NCAM2: variants seen among roughly 807,000 people sequenced by gnomAD.
The protein encoded by NCAM2 is N-CAM-2.
Under a neutral mutation model 98.1 loss-of-function variants are expected in NCAM2, and 30 were observed. The observed-to-expected ratio is 0.31, with a 90% confidence interval of 0.23 to 0.41. The LOEUF is 0.41. NCAM2 is among the 10% of genes least tolerant of loss of function. The pLI, the probability that NCAM2 is intolerant of heterozygous loss-of-function variation, is 1.00. For missense variants in NCAM2, 867 were observed against 1,005.8 expected (o/e 0.86, Z 1.87); for synonymous variants, 368 against 342.4 (o/e 1.07, Z -0.83).
intron 9 of NCAM2, among the ~76,000 whole-genome samples, chr21:21,391,663 A>G (rs1016590909): frequency 8.5e-5 from 13 of 152,178 alleles, no homozygotes; most frequent in African/African-American, 3.1e-4. Flanking sequence ...TCTCTGCTTT[A>G]GTATTGTGGA....
chr21:21,365,097 C>T (rs532540431), intron 8 of NCAM2, among the ~76,000 whole-genome samples: 2 of 152,038 alleles, frequency 1.3e-5, no homozygotes, highest in South Asian at 4.1e-4. Context: ...TGGGTGACAA[C>T]GTGTGCTGGA....
At position 21,212,091 on chromosome 21, in the gene NCAM2, A is replaced by T. The variant is rs552801434; in HGVS notation, c.56-68487A>T. On this transcript the variant is annotated intron_variant, in intron 1 of 17. Coordinates refer to ENST00000400546, the MANE Select transcript of NCAM2 (RefSeq NM_004540.5). ...TAGAGAAATGATAGCATGCATTCAC[A>T]CAAAACCTCTACAAAAATATCCATA... 5.4e-4 allele frequency among the ~76,000 whole-genome samples: 82 copies of T among 152,366 alleles called. 1 individual carries two copies. The highest frequency in any genetic ancestry group is 1.1e-3 in the Non-Finnish European group (73 of 68,046).
chr21:21,286,347 G>A lies in NCAM2; in HGVS notation c.416G>A (p.Ser139Asn). 1 of 1,612,448 alleles carries A rather than the reference G, an allele frequency of 6.2e-7. No homozygotes were observed. Among genetic ancestry groups the A allele is most frequent in the Non-Finnish European group, 8.5e-7 (1 of 1,179,054 alleles). The part of the protein sequence containing the change: ...GEDAEVVCRV[S>N]SSPAPAVSWL... Reference sequence around the variant, plus strand: ...GATGCAGAAGTGGTTTGCCGAGTTAGCAGTTCACCTGCACCTGCTGTCAGC... The same window carrying A: ...GATGCAGAAGTGGTTTGCCGAGTTAACAGTTCACCTGCACCTGCTGTCAGC... The change falls in exon 4 of 18, where the codon AGC becomes AAC. Residue 139 changes from serine (S) to asparagine (N), a missense_variant. Transcript: ENST00000400546.
chr21:21,450,854 G>A, intron 12 of NCAM2, among the ~76,000 whole-genome samples: 1 of 150,320 alleles, frequency 6.7e-6, no homozygotes, highest in Non-Finnish European at 1.5e-5. Context: ...TCACCAAAGG[G>A]GATTCCCTTT....
intron 1 of NCAM2, among the ~76,000 whole-genome samples, chr21:20,999,033 C>G (rs1035011276): frequency 6.6e-6 from 1 of 152,140 alleles, no homozygotes; most frequent in African/African-American, 2.4e-5. Flanking sequence ...GTGTTAAACT[C>G]ATTTGCAAAA....
rs986436527 is a variant in NCAM2 at position 21,531,977 on chromosome 21, A to C, written c.2283-2560A>C. Among the ~76,000 whole-genome samples, 4 of 148,472 alleles carry C rather than the reference A, an allele frequency of 2.7e-5. 1 individual carries two copies. The highest frequency in any genetic ancestry group is 6.0e-5 in the Non-Finnish European group (4 of 66,854). On this transcript the variant is annotated intron_variant, in intron 16 of 17. Transcript: ENST00000400546. The stretch of plus-strand genomic sequence containing the variant: ...CACTGCACACCAGCCTGGACGACAG[A>C]GCAAGACTCCGTCTCAAAAAAAAAG...
chr21:21,103,534 G>A (rs2066286185), intron 1 of NCAM2, among the ~76,000 whole-genome samples: 1 of 151,972 alleles, frequency 6.6e-6, no homozygotes, highest in African/African-American at 2.4e-5. Flanking sequence ...ACATGAAATA[G>A]CCACATTATC....
In NCAM2 at chr21:21,115,989, G is replaced by GTGTC. The variant is rs1555886416; in HGVS notation, c.55+117381_55+117384dup. On this transcript the variant is annotated intron_variant, in intron 1 of 17. Transcript: ENST00000400546. ...TGTGTGTGTGTGTGTGTGTGTGTGT[G>GTGTC]TGTCTGTCTGTCTTTCATGCTGAGA... is the stretch of plus-strand genomic sequence containing the variant. 4.3e-3 allele frequency among the ~76,000 whole-genome samples: 557 copies of GTGTC among 130,704 alleles called. 10 individuals carry two copies. Among genetic ancestry groups the GTGTC allele is most frequent in the African/African-American group, 0.015 (529 of 35,536 alleles). The allele number at this position is 130,704 out of a possible 152,430, so 85.7% of individuals were successfully genotyped here. A position where few individuals can be genotyped will look rare whatever the true frequency, so the allele number is the denominator to read the frequency against.
intron 8 of NCAM2, among the ~76,000 whole-genome samples, chr21:21,345,559 A>G (rs2075164363): frequency 6.6e-6 from 1 of 151,984 alleles, no homozygotes; most frequent in Admixed American, 6.6e-5. Context: ...AAGACAAGCT[A>G]CTTGAAAATA....
chr21:21,049,277 G>A (rs191518007), intron 1 of NCAM2, among the ~76,000 whole-genome samples: 9 of 151,774 alleles, frequency 5.9e-5, no homozygotes, highest in East Asian at 3.9e-4. Context: ...CCTCGGCCTC[G>A]CATATTTCCT....
chr21:21,414,393 C>T (rs2076945211), intron 10 of NCAM2, among the ~76,000 whole-genome samples: 1 of 151,992 alleles, frequency 6.6e-6, no homozygotes, highest in African/African-American at 2.4e-5. Flanking sequence ...TTTCAGTTGA[C>T]TTTTCCCAGA....
At chr21:21,239,699 AT>A (rs1278917940) in intron 1 of NCAM2, among the ~76,000 whole-genome samples, 2 of 152,064 alleles carry the variant, frequency 1.3e-5, no homozygotes, top group African/African-American at 2.4e-5. Context: ...CTTAAAGCAC[AT>A]TTTATCATAG....
intron 5 of NCAM2, among the ~76,000 whole-genome samples, chr21:21,293,777 C>T (rs1347807780): frequency 6.6e-6 from 1 of 151,586 alleles, no homozygotes; most frequent in Non-Finnish European, 1.5e-5. Flanking sequence ...GTCTACCATA[C>T]TTTGTATCCA....
At chr21:21,261,853 C>A (rs975938201) in intron 1 of NCAM2, among the ~76,000 whole-genome samples, 7 of 151,812 alleles carry the variant, frequency 4.6e-5, no homozygotes, top group African/African-American at 1.7e-4. Context: ...CATGAAACAG[C>A]AAAGGTCACG....
intron 1 of NCAM2, among the ~76,000 whole-genome samples, chr21:21,231,869 A>G (rs187393087): frequency 1.3e-4 from 19 of 151,704 alleles, no homozygotes; most frequent in Admixed American, 7.9e-4. Context: ...ACCTCTTTAC[A>G]TAATTATTTT....
chr21:21,242,657 C>A (rs1601743455), intron 1 of NCAM2, among the ~76,000 whole-genome samples: 1 of 152,256 alleles, frequency 6.6e-6, no homozygotes, highest in East Asian at 1.9e-4. Flanking sequence ...TTGGAAATAA[C>A]AGAATTTCCT....
intron 15 of NCAM2, among the ~76,000 whole-genome samples, chr21:21,484,334 TC>T (rs1196089414): frequency 6.6e-6 from 1 of 152,200 alleles, no homozygotes; most frequent in Non-Finnish European, 1.5e-5. Context: ...CATTAATTAT[TC>T]TTTTTTCTTT....
At chr21:21,349,573 T>C (rs2075279980) in intron 8 of NCAM2, among the ~76,000 whole-genome samples, 1 of 152,138 alleles carries the variant, frequency 6.6e-6, no homozygotes, top group Non-Finnish European at 1.5e-5. Context: ...ACAATCCCAC[T>C]CCTGGGCATA....
At chr21:21,116,823 C>T (rs549681149) in intron 1 of NCAM2, among the ~76,000 whole-genome samples, 1 of 151,732 alleles carries the variant, frequency 6.6e-6, no homozygotes, top group South Asian at 2.1e-4. Context: ...CCACTGCACT[C>T]CAGCCTGGGC....
Sources: gnomAD v4.1 joint callset for allele counts (sites outside exome capture counted in the v4.1 genomes callset) on GRCh38, gnomAD v4.1.1 for gene constraint, MANE v1.5 for transcripts, NCBI Gene and HGNC (gene_info 2026-07-23, HGNC 2026-07-21) for gene names.